The following TLE3 variants were observed in gnomAD, a reference collection of about 807,000 sequenced individuals.
TLE3 encodes transducin-like enhancer protein 3.
TLE3 carries 14 observed loss-of-function variants against 93.0 expected under a neutral mutation model. That is an observed-to-expected ratio of 0.15 (90% CI 0.10 to 0.24). The LOEUF (loss-of-function observed/expected upper bound fraction) is 0.24. TLE3 is among the 10% of genes least tolerant of loss of function. TLE3 has a pLI of 1.00. For synonymous variants in TLE3, 451 were observed against 425.0 expected (o/e 1.06, Z -0.75); for missense variants, 693 against 1,046.6 (o/e 0.66, Z 4.66).
At chr15:70,050,336 T>A (rs1310022061) in intron 19 of TLE3, 132 bp from the exon 20 acceptor site, 3 of 710,678 alleles carry the variant, frequency 4.2e-6, no homozygotes, top group African/African-American at 1.7e-5. Context: ...TGCCCCTCTC[T>A]GATGCTCCGA....
At chr15:70,095,757 C>T in intron 2 of TLE3, 116 bp from the exon 3 acceptor site, 1 of 1,254,916 alleles carries the variant, frequency 8.0e-7, no homozygotes, top group South Asian at 1.5e-5. Flanking sequence ...CCCGGGGGCG[C>T]CCCCATTATC....
chr15:70,096,502 G>T, intron 1 of TLE3: 1 of 1,210,098 alleles, frequency 8.3e-7, no homozygotes, highest in Non-Finnish European at 1.1e-6. Flanking sequence ...GCGGGGGCGG[G>T]AGACAAGCCG....
intron 18 of TLE3, 63 bp downstream of exon 18, chr15:70,052,311 T>C: frequency 6.3e-7 from 1 of 1,584,962 alleles, no homozygotes; most frequent in Non-Finnish European, 8.6e-7. Context: ...TCTGTCCTGT[T>C]GGGCCAGGCT....
Position 70,058,910 on chromosome 15 carries a change from TG to T in TLE3, c.766-96del. The stretch of plus-strand genomic sequence containing the variant: ...GTGGGAAGAGAGAGGGCATGGGCGA[TG>T]GGAAGACGAGCTTGGCTGAAAGACT... On this transcript the variant is annotated intron_variant, in intron 10 of 19. Transcript: ENST00000451782. The surrounding 1 kb of genome is among the most constrained non-coding windows in gnomAD (Gnocchi z 4.1). 2 of 1,422,530 alleles carry T rather than the reference TG, an allele frequency of 1.4e-6. No individual in the cohort carries two copies. The highest frequency in any genetic ancestry group is 1.8e-6 in the Non-Finnish European group (2 of 1,086,332). The allele number at this position is 1,422,530 out of a possible 1,614,324, so 88.1% of individuals were successfully genotyped here. A position where few individuals can be genotyped will look rare whatever the true frequency, so the allele number is the denominator to read the frequency against.
intron 4 of TLE3, among the ~76,000 whole-genome samples, chr15:70,077,632 G>A (rs1236464100): frequency 6.6e-6 from 1 of 152,206 alleles, no homozygotes; most frequent in Non-Finnish European, 1.5e-5. Flanking sequence ...GGTTTTTGCA[G>A]GCCTGTGTCC....
At chr15:70,088,270 C>T (rs1338037439) in intron 4 of TLE3, among the ~76,000 whole-genome samples, 4 of 152,242 alleles carry the variant, frequency 2.6e-5, no homozygotes, top group Admixed American at 2.6e-4. Context: ...GCAAGGCTGA[C>T]CCACAGCTTG....
In TLE3 at chr15:70,094,590, G is replaced by C. The variant is rs1277563659; in HGVS notation, c.190-14C>G. The stretch of plus-strand genomic sequence containing the variant: ...CATCTCATAGTACTAAAAGTAAAAA[G>C]AATGGCTATTAACAGACAACACAGA... On this transcript the variant is annotated splice_polypyrimidine_tract_variant and intron_variant, in intron 3 of 19. Transcript: ENST00000451782. The C allele has an allele frequency of 2.0e-6, 3 of 1,537,594 alleles. No individual in the cohort carries two copies. The highest frequency in any genetic ancestry group is 4.8e-5 in the East Asian group (2 of 41,588).
intron 3 of TLE3, 154 bp from the exon 4 acceptor site, chr15:70,094,730 C>T (rs1196562683): frequency 4.8e-6 from 3 of 624,274 alleles, no homozygotes; most frequent in African/African-American, 3.7e-5. Flanking sequence ...GCTTACAGAG[C>T]GGTTTAAGAG....
intron 4 of TLE3, among the ~76,000 whole-genome samples, chr15:70,079,876 A>T (rs537397836): frequency 4.6e-5 from 7 of 152,116 alleles, no homozygotes; most frequent in Admixed American, 4.6e-4. Context: ...CCCAGCCATT[A>T]AGTGATTTCA....
intron 6 of TLE3, among the ~76,000 whole-genome samples, chr15:70,071,971 G>A (rs182614721): frequency 1.3e-3 from 193 of 152,354 alleles, no homozygotes; most frequent in African/African-American, 3.9e-3. Flanking sequence ...ACTCCTTCGC[G>A]GGAGTGCAGT....
intron 8 of TLE3, among the ~76,000 whole-genome samples, chr15:70,062,536 G>A (rs1331658914): frequency 9.9e-5 from 15 of 152,204 alleles, no homozygotes; most frequent in Non-Finnish European, 8.8e-5. Flanking sequence ...GATCCAGCCC[G>A]CCTCTGGCTG....
chr15:70,096,388 AGT>A (rs1433773057), intron 1 of TLE3, 127 bp from the exon 2 acceptor site: 1 of 1,464,650 alleles, frequency 6.8e-7, no homozygotes, highest in Non-Finnish European at 9.0e-7. Flanking sequence ...CTTCCCAGCA[AGT>A]TTCTCAGCTC....
intron 19 of TLE3, chr15:70,050,893 G>C (rs1189958691): frequency 1.9e-5 from 3 of 160,230 alleles, no homozygotes; most frequent in African/African-American, 7.3e-5. Context: ...AATCAGTGCA[G>C]TATGGCAGGC....
chr15:70,089,329 C>A (rs527840304), intron 4 of TLE3, among the ~76,000 whole-genome samples: 89 of 152,340 alleles, frequency 5.8e-4, no homozygotes, highest in African/African-American at 2.1e-3. Context: ...ATCCGACTCC[C>A]CCGCAGAGGG....
chr15:70,076,874 A>C (rs1341102988), intron 4 of TLE3, among the ~76,000 whole-genome samples: 5 of 151,682 alleles, frequency 3.3e-5, no homozygotes, highest in Non-Finnish European at 7.4e-5. Flanking sequence ...GTGCACTGCC[A>C]CTCCCAGCTA....
intron 4 of TLE3, among the ~76,000 whole-genome samples, chr15:70,094,146 A>AT (rs1229181856): frequency 6.6e-6 from 1 of 151,938 alleles, no homozygotes. Flanking sequence ...GAAAAAAAAA[A>AT]GGAGAAAGAA....
chr15:70,063,219 T>A (rs1170224073), intron 8 of TLE3, among the ~76,000 whole-genome samples: 1 of 152,196 alleles, frequency 6.6e-6, no homozygotes, highest in African/African-American at 2.4e-5. Flanking sequence ...ACACAGGGCC[T>A]CATAAAGCTG....
intron 5 of TLE3, among the ~76,000 whole-genome samples, chr15:70,074,901 T>G (rs901594164): frequency 1.3e-5 from 2 of 152,270 alleles, no homozygotes. Flanking sequence ...AATTTTTCCA[T>G]GCAATTTGCG....
At chr15:70,084,611 C>T (rs1041020839) in intron 4 of TLE3, among the ~76,000 whole-genome samples, 1 of 152,178 alleles carries the variant, frequency 6.6e-6, no homozygotes, top group Admixed American at 6.5e-5. Flanking sequence ...CTGAGGTCCA[C>T]GAGGGAAGCA....
Sources: gnomAD v4.1 joint callset for allele counts (sites outside exome capture counted in the v4.1 genomes callset) on GRCh38, gnomAD v4.1.1 for gene constraint, Gnocchi (gnomAD v3.1) non-coding constraint, MANE v1.5 for transcripts, NCBI Gene and HGNC (gene_info 2026-07-23, HGNC 2026-07-21) for gene names.